Variants in TENM1 observed in about 807,000 individuals in gnomAD.
TENM1 encodes the protein teneurin transmembrane protein 1.
Under a neutral mutation model 174.8 loss-of-function variants are expected in TENM1, and 35 were observed. The ratio of observed to expected loss-of-function variants is 0.20; its 90% CI spans 0.15 to 0.27. The LOEUF (loss-of-function observed/expected upper bound fraction) is 0.27. Among genes scored for constraint, TENM1 ranks in the 10% least tolerant of loss-of-function variants. The pLI, the probability that TENM1 is intolerant of heterozygous loss-of-function variation, is 1.00. For synonymous variants in TENM1, 781 were observed against 798.7 expected (o/e 0.98, Z 0.37); for missense variants, 1,633 against 2,130.1 (o/e 0.77, Z 4.59).
chrX:124,826,190 G>T (rs947994490), intron 3 of TENM1, among the ~76,000 whole-genome samples: 1 of 110,712 alleles, frequency 9.0e-6, no homozygotes, highest in African/African-American at 3.3e-5. Context: ...TGGGCAGATC[G>T]CTTGAACCCA....
the TENM1 span, among the ~76,000 whole-genome samples, chrX:125,089,563 C>CA: frequency 8.9e-6 from 1 of 111,855 alleles, no homozygotes; most frequent in Non-Finnish European, 1.9e-5. Context: ...GGCAGCCTTT[C>CA]AACACATTTA....
intron 5 of TENM1, among the ~76,000 whole-genome samples, chrX:124,680,602 T>A (rs2148452346): frequency 9.0e-6 from 1 of 111,218 alleles, no homozygotes; most frequent in Admixed American, 9.6e-5. Context: ...TCAAATCTTA[T>A]TTATTTTTGT....
intron 11 of TENM1, among the ~76,000 whole-genome samples, chrX:124,622,367 C>T (rs772803837): frequency 7.3e-4 from 82 of 112,290 alleles, no homozygotes; most frequent in Middle Eastern, 4.6e-3. Flanking sequence ...ATTTGCAAAA[C>T]GCTCACAAGG....
chrX:124,873,942 T>C (rs963808060), intron 3 of TENM1, among the ~76,000 whole-genome samples: 8 of 111,767 alleles, frequency 7.2e-5, no homozygotes, highest in Non-Finnish European at 1.5e-4. Flanking sequence ...CCTACTTATA[T>C]GTCTTATTCT....
chrX:124,392,104 A>G (rs780493583), exon 28 of TENM1: 1 of 1,209,189 alleles, frequency 8.3e-7, no homozygotes, highest in East Asian at 3.0e-5. Flanking sequence ...AGTTCTTGAA[A>G]TAATTTTCCC....
the TENM1 span, among the ~76,000 whole-genome samples, chrX:125,055,459 T>C: frequency 4.5e-5 from 5 of 111,786 alleles, no homozygotes; most frequent in African/African-American, 1.6e-4. Context: ...CTACTTCAAC[T>C]TCTATTCTCA....
intron 3 of TENM1, among the ~76,000 whole-genome samples, chrX:124,757,584 G>A (rs975908148): frequency 3.6e-5 from 4 of 112,451 alleles, no homozygotes; most frequent in East Asian, 2.8e-4. Context: ...CGTCTTCTGC[G>A]TCGCTCACGC....
At chrX:124,623,218 T>C (rs1482454665) in intron 11 of TENM1, among the ~76,000 whole-genome samples, 1 of 110,501 alleles carries the variant, frequency 9.0e-6, no homozygotes, top group Admixed American at 9.6e-5. Context: ...AATGTGTGCA[T>C]GAACGTGCAA....
Position 124,877,058 on chromosome X carries a change from T to C in TENM1, c.535+17238A>G, listed in dbSNP as rs774053061. Among the ~76,000 whole-genome samples the C allele has an allele frequency of 4.4e-5, 5 of 112,516 alleles. No homozygotes were observed. In the Admixed American group the frequency reaches 4.7e-4, roughly 11 times the overall value. ...AGTTCAAACGAAAATTTAAAGTCAT[T>C]ATAAAAATTGTTAAATTCCAGAATC... On this transcript the variant is annotated intron_variant, in intron 3 of 31. Coordinates refer to ENST00000422452, the Ensembl canonical transcript of TENM1.
intron 22 of TENM1, among the ~76,000 whole-genome samples, chrX:124,477,810 T>C (rs1407773865): frequency 9.0e-6 from 1 of 110,899 alleles, no homozygotes; most frequent in African/African-American, 3.2e-5. Flanking sequence ...GCAGACCTGG[T>C]TTGAATTCCA....
the TENM1 span, among the ~76,000 whole-genome samples, chrX:125,113,169 A>G: frequency 9.8e-5 from 11 of 111,845 alleles, no homozygotes; most frequent in Admixed American, 2.9e-4. Context: ...TGTTGCTAAC[A>G]TAACTGAATA....
chrX:124,669,964 C>A (rs1019539709), intron 6 of TENM1, among the ~76,000 whole-genome samples: 3 of 111,471 alleles, frequency 2.7e-5, no homozygotes, highest in African/African-American at 9.8e-5. Flanking sequence ...AGTTAAGAGA[C>A]TGGACTCTGG....
At chrX:124,967,027 T>A (rs2147830238), upstream of TENM1, among the ~76,000 whole-genome samples, 1 of 111,750 alleles carries the variant, frequency 8.9e-6, no homozygotes, top group Non-Finnish European at 1.9e-5. Context: ...TAAACAACTC[T>A]ACTACAAAGC....
At chrX:124,529,574 C>T (rs1295080253) in intron 16 of TENM1, among the ~76,000 whole-genome samples, 1 of 111,752 alleles carries the variant, frequency 8.9e-6, no homozygotes, top group Non-Finnish European at 1.9e-5. Flanking sequence ...CCTTATTTAT[C>T]ATTTGCATAA....
the TENM1 span, among the ~76,000 whole-genome samples, chrX:125,062,089 T>C: frequency 8.9e-6 from 1 of 112,236 alleles, no homozygotes; most frequent in Admixed American, 9.5e-5. Context: ...TGCCTTCATA[T>C]GATCATATGT....
chrX:124,422,196 C>G lies in TENM1; in HGVS notation c.4471+76G>C. ...AAGTAACACTTTGCTTTTCCTTTTC[C>G]TTTTGACTTTACTGGGGCACGTTTT... is the stretch of plus-strand genomic sequence containing the variant. On this transcript the variant is annotated intron_variant, in intron 24 of 31. Coordinates refer to ENST00000422452, the Ensembl canonical transcript of TENM1. The G allele has an allele frequency of 8.0e-6, 9 of 1,126,331 alleles. No homozygotes were observed. The South Asian group carries it at 1.9e-4, about 24-fold the overall frequency. 92.8% of individuals were successfully genotyped at this position (1,126,331 alleles called of 1,213,427 possible).
chrX:125,006,278 G>C, the TENM1 span, among the ~76,000 whole-genome samples: 3 of 111,762 alleles, frequency 2.7e-5, no homozygotes, highest in African/African-American at 9.8e-5. Flanking sequence ...ATTCACCACA[G>C]TGCAGCAAAG....
At chrX:124,770,401 A>AT (rs1458514683) in intron 3 of TENM1, among the ~76,000 whole-genome samples, 3 of 111,213 alleles carry the variant, frequency 2.7e-5, no homozygotes, top group African/African-American at 9.8e-5. Context: ...TTATATTTAC[A>AT]TTTTTACACC....
At chrX:124,758,929 G>T (rs1394435510) in intron 3 of TENM1, among the ~76,000 whole-genome samples, 1 of 111,542 alleles carries the variant, frequency 9.0e-6, no homozygotes, top group Non-Finnish European at 1.9e-5. Context: ...GATTTTGCAA[G>T]ATGAAAAGGT....
Sources: allele counts gnomAD v4.1 joint callset (sites outside exome capture counted in the v4.1 genomes callset), GRCh38; gene constraint gnomAD v4.1.1; transcripts MANE v1.5; gene names NCBI Gene and HGNC (gene_info 2026-07-23, HGNC 2026-07-21).